The following RRP15 variants were observed in gnomAD, a reference collection of about 807,000 sequenced individuals.
The protein encoded by RRP15 is RRP15-like protein.
A neutral mutation model predicts 27.1 loss-of-function variants in RRP15; 18 were observed. The observed-to-expected ratio is 0.66, with a 90% CI of 0.46 to 0.98. The LOEUF (loss-of-function observed/expected upper bound fraction) is 0.98. Ranked by LOEUF, RRP15 falls within the 50% of genes least tolerant of loss-of-function variation. The probability of loss-of-function intolerance (pLI) is 0.00; values close to 1 mark genes in which losing one functional copy is unlikely to be tolerated. For synonymous variants in RRP15, 107 were observed against 109.4 expected (o/e 0.98, Z 0.14); for missense variants, 359 against 337.8 (o/e 1.06, Z -0.49).
At chr1:218,300,170 A>G (rs1246420297) in intron 1 of RRP15, among the ~76,000 whole-genome samples, 1 of 152,148 alleles carries the variant, frequency 6.6e-6, no homozygotes, top group Non-Finnish European at 1.5e-5. Context: ...ATGCAGCTCT[A>G]TTAGCATGAT....
intron 4 of RRP15, among the ~76,000 whole-genome samples, chr1:218,309,203 G>A (rs1015570127): frequency 1.3e-5 from 2 of 152,022 alleles, no homozygotes; most frequent in African/African-American, 4.8e-5. Flanking sequence ...AAAGTAATTT[G>A]TTTCTAGAAC....
chr1:218,322,327 G>A (rs78872541), intron 4 of RRP15, among the ~76,000 whole-genome samples: 1,586 of 152,240 alleles, frequency 0.01, 31 homozygotes, highest in African/African-American at 0.036. Context: ...ATTATATAAA[G>A]TGCTTGGCAC....
In RRP15 at chr1:218,307,478, T is replaced by C. The variant is rs761266650; in HGVS notation, c.551T>C (p.Val184Ala). 2.5e-6 allele frequency: 4 copies of C among 1,614,014 alleles called. No homozygotes were observed. The highest frequency in any genetic ancestry group is 3.4e-6 in the Non-Finnish European group (4 of 1,179,966). ...GCTGTTCAGAAACATCAAAAGAATG[T>C]TGATGAAAAGGTTAAGGAAGCTGGA... ...FNAVQKHQKN[V>A]DEKVKEAGSS... Residue 184 changes from valine to alanine, a missense_variant, in exon 4 of 5, where the codon GTT becomes GCT. Transcript: ENST00000366932.
In RRP15 at chr1:218,331,717, G is replaced by T. The variant is rs534761446; in HGVS notation, c.*626G>T. The T allele has an allele frequency of 8.3e-6, 1 of 120,820 alleles. No individual in the cohort carries two copies. Among genetic ancestry groups the T allele is most frequent in the Admixed American group, 1.1e-4 (1 of 9,496 alleles). The allele number at this position is 120,820 out of a possible 1,614,324, so 7.5% of individuals were successfully genotyped here. ...AGACGGAGTCTTGCTCTGTGGCCCC[G>T]GATGGAATGCAGTGGCGTGATCTCG... On this transcript the variant is annotated 3_prime_UTR_variant, in exon 5 of 5. Transcript: ENST00000366932.
chr1:218,320,281 A>C (rs181077084), intron 4 of RRP15, among the ~76,000 whole-genome samples: 2 of 150,412 alleles, frequency 1.3e-5, no homozygotes, highest in Non-Finnish European at 2.9e-5. Context: ...TCACTGTTCA[A>C]TTCCCACCTA....
rs1464891925 is a variant in RRP15, at chr1:218,333,392, T to C, written c.*2301T>C. On this transcript the variant is annotated 3_prime_UTR_variant, in exon 5 of 5. Coordinates refer to ENST00000366932, the MANE Select transcript of RRP15 (RefSeq NM_016052.4). Reference sequence around the variant, plus strand: ...ATCTTAAGTGAATGTTTTGAGTAGTTCTGTCACCCCTATTCTAAATATTTT... The same window carrying C: ...ATCTTAAGTGAATGTTTTGAGTAGTCCTGTCACCCCTATTCTAAATATTTT... The C allele has an allele frequency of 7.2e-6, 1 of 139,624 alleles. No individual in the cohort carries two copies. The highest frequency in any genetic ancestry group is 2.5e-5 in the African/African-American group (1 of 40,744). 8.6% of individuals were successfully genotyped at this position (139,624 alleles called of 1,614,324 possible). A position where few individuals can be genotyped will look rare whatever the true frequency, so the allele number is the denominator to read the frequency against.
chr1:218,300,395 T>C (rs1392390306), intron 1 of RRP15, among the ~76,000 whole-genome samples: 1 of 152,210 alleles, frequency 6.6e-6, no homozygotes, highest in Non-Finnish European at 1.5e-5. Context: ...TTGTTATTAA[T>C]TTTTACTTGA....
intron 3 of RRP15, among the ~76,000 whole-genome samples, chr1:218,306,939 A>T (rs942288259): frequency 6.6e-6 from 1 of 152,236 alleles, no homozygotes; most frequent in African/African-American, 2.4e-5. Flanking sequence ...CACTAGCCAC[A>T]TGTGGCTTGT....
chr1:218,288,703 C>T (rs6680590), intron 1 of RRP15, among the ~76,000 whole-genome samples: 2 of 152,110 alleles, frequency 1.3e-5, no homozygotes, highest in African/African-American at 4.8e-5. Context: ...AAAGTGAAAG[C>T]GTTGGGCCTT....
chr1:218,307,985 T>C (rs1401397264), intron 4 of RRP15, among the ~76,000 whole-genome samples: 1 of 151,950 alleles, frequency 6.6e-6, no homozygotes, highest in East Asian at 1.9e-4. Context: ...GGTTGAGAGA[T>C]TAAGAGCATA....
In RRP15 at chr1:218,307,667, C is replaced by T. The variant is rs780092399; in HGVS notation, c.705+35C>T. On this transcript the variant is annotated intron_variant, in intron 4 of 4. Coordinates refer to ENST00000366932, the MANE Select transcript of RRP15 (RefSeq NM_016052.4). ...TTTCTATAGGATTCAGTGTATCAGA[C>T]TTTCAGCTCTAAAACTAGTCTTGAG... 2.8e-6 allele frequency: 4 copies of T among 1,414,974 alleles called. No homozygotes were observed. In the South Asian group the frequency reaches 4.8e-5, roughly 17 times the overall value. 87.7% of individuals were successfully genotyped at this position (1,414,974 alleles called of 1,614,324 possible).
Position 218,333,871 on chromosome 1 carries a change from G to A in RRP15, c.*2780G>A, listed in dbSNP as rs1034978689. ...CCCATTTATTTAAACATAACACCTA[G>A]GATTTTATTTTTGGTAACTACTTAG... On this transcript the variant is annotated 3_prime_UTR_variant, in exon 5 of 5. Transcript: ENST00000366932. 1 of 151,950 alleles carries A rather than the reference G, an allele frequency of 6.6e-6. No individual in the cohort carries two copies. Among genetic ancestry groups the A allele is most frequent in the Non-Finnish European group, 1.5e-5 (1 of 67,986 alleles). 9.4% of individuals were successfully genotyped at this position (151,950 alleles called of 1,614,324 possible). A position where few individuals can be genotyped will look rare whatever the true frequency, so the allele number is the denominator to read the frequency against.
chr1:218,318,377 C>T (rs1281974588), intron 4 of RRP15, among the ~76,000 whole-genome samples: 1 of 152,008 alleles, frequency 6.6e-6, no homozygotes, highest in Admixed American at 6.6e-5. Context: ...TGTTCTAGAC[C>T]AATCCCTTGT....
intron 4 of RRP15, among the ~76,000 whole-genome samples, chr1:218,324,433 G>A (rs1656239757): frequency 6.6e-6 from 1 of 152,206 alleles, no homozygotes; most frequent in Admixed American, 6.5e-5. Context: ...CTGTGTGAGC[G>A]TGGGTGTGAC....
chr1:218,306,737 T>C (rs1356075213), intron 3 of RRP15, among the ~76,000 whole-genome samples: 2 of 152,150 alleles, frequency 1.3e-5, no homozygotes, highest in African/African-American at 2.4e-5. Flanking sequence ...ATGAGAAATA[T>C]AAAATGAAAG....
chr1:218,336,097 T>C lies in RRP15; in HGVS notation c.*5006T>C, dbSNP rs183404460. The C allele has an allele frequency of 4.8e-4, 73 of 152,294 alleles. No individual in the cohort carries two copies. In the East Asian group the frequency reaches 0.013, roughly 27 times the overall value. The allele number at this position is 152,294 out of a possible 1,614,324, so 9.4% of individuals were successfully genotyped here. ...CCACCATGTAAGGAGTGAATTCCCA[T>C]GTTTTTCACTTATATCTAGAGGCCT... is the stretch of plus-strand genomic sequence containing the variant. On this transcript the variant is annotated 3_prime_UTR_variant, in exon 5 of 5. Coordinates refer to ENST00000366932, the MANE Select transcript of RRP15 (RefSeq NM_016052.4).
At chr1:218,292,771 A>G (rs1292457295) in intron 1 of RRP15, among the ~76,000 whole-genome samples, 1 of 152,230 alleles carries the variant, frequency 6.6e-6, no homozygotes, top group Non-Finnish European at 1.5e-5. Context: ...GTCATTCCCT[A>G]GACGACTAGG....
At chr1:218,305,687 A>T (rs1289758382) in intron 3 of RRP15, among the ~76,000 whole-genome samples, 2 of 152,142 alleles carry the variant, frequency 1.3e-5, no homozygotes, top group Non-Finnish European at 2.9e-5. Context: ...TGTCTGGGAG[A>T]GTTTGAGAAG....
chr1:218,323,725 C>T (rs556705525), intron 4 of RRP15, among the ~76,000 whole-genome samples: 4 of 152,316 alleles, frequency 2.6e-5, no homozygotes, highest in African/African-American at 7.2e-5. Context: ...CTCGGCCTCC[C>T]TCTCATGCTT....
Sources: gnomAD v4.1 joint callset for allele counts (sites outside exome capture counted in the v4.1 genomes callset) on GRCh38, gnomAD v4.1.1 for gene constraint, MANE v1.5 for transcripts, NCBI Gene and HGNC (gene_info 2026-07-23, HGNC 2026-07-21) for gene names.